PPP1R7: variants seen among roughly 807,000 people sequenced by gnomAD.
PPP1R7 encodes protein phosphatase 1 regulatory subunit 22.
Under a neutral mutation model 45.2 loss-of-function variants are expected in PPP1R7, and 18 were observed. That is an observed-to-expected ratio of 0.40 (90% CI 0.28 to 0.59). The LOEUF is 0.59. PPP1R7 is among the 20% of genes least tolerant of loss of function. The pLI is 0.46. For missense variants in PPP1R7, 314 were observed against 455.8 expected (o/e 0.69, Z 2.83); for synonymous variants, 181 against 183.4 (o/e 0.99, Z 0.11).
chr2:241,162,963 G>C (rs999182016), intron 6 of PPP1R7, among the ~76,000 whole-genome samples: 9 of 152,084 alleles, frequency 5.9e-5, no homozygotes, highest in Admixed American at 3.3e-4. Flanking sequence ...TTCCACGCCC[G>C]ACAGGGGGAC....
chr2:241,166,266 C>A, intron 7 of PPP1R7, 71 bp from the exon 8 acceptor site: 2 of 1,269,136 alleles, frequency 1.6e-6, no homozygotes, highest in South Asian at 1.3e-5. Flanking sequence ...CACAAAACCT[C>A]GTTTCCTAAA....
chr2:241,168,384 TGGGCTTGCATACCA>T (rs2067757121), intron 8 of PPP1R7, among the ~76,000 whole-genome samples: 1 of 152,166 alleles, frequency 6.6e-6, no homozygotes, highest in South Asian at 2.1e-4. Flanking sequence ...TGCCAGTTTC[TGGGCTTGCATACCA>T]GATGACCATG....
At chr2:241,180,369 C>CT (rs1420630423) in intron 9 of PPP1R7, among the ~76,000 whole-genome samples, 2 of 117,628 alleles carry the variant, frequency 1.7e-5, no homozygotes, top group Admixed American at 1.0e-4. Context: ...ATAAAATACT[C>CT]TAACGATCGC....
intron 1 of PPP1R7, among the ~76,000 whole-genome samples, chr2:241,152,967 T>A (rs1270639096): frequency 6.6e-6 from 1 of 152,242 alleles, no homozygotes; most frequent in African/African-American, 2.4e-5. Context: ...CTCCTTTTCC[T>A]TAGTGATCCT....
intron 7 of PPP1R7, among the ~76,000 whole-genome samples, chr2:241,165,523 A>G (rs960414979): frequency 6.6e-6 from 1 of 152,206 alleles, no homozygotes; most frequent in Admixed American, 6.5e-5. Flanking sequence ...ATTTTAGCTC[A>G]GTACAGCAGG....
chr2:241,155,173 T>C (rs2125481624), intron 2 of PPP1R7: 1 of 152,310 alleles, frequency 6.6e-6, no homozygotes, highest in South Asian at 2.1e-4. Flanking sequence ...CATTGGGTGT[T>C]TATGGAGGAC....
intron 1 of PPP1R7, among the ~76,000 whole-genome samples, chr2:241,152,129 T>C (rs931980550): frequency 1.3e-5 from 2 of 152,254 alleles, no homozygotes; most frequent in African/African-American, 4.8e-5. Flanking sequence ...TAATTTGTTA[T>C]ATATCTACTG....
chr2:241,150,686 G>A, intron 1 of PPP1R7, 139 bp downstream of exon 1: 1 of 1,274,522 alleles, frequency 7.8e-7, no homozygotes, highest in Non-Finnish European at 1.0e-6. Context: ...CTGACAGCCG[G>A]ACCCGGGGGA....
chr2:241,149,770 C>G (rs1466678660), upstream of PPP1R7: 4 of 1,537,774 alleles, frequency 2.6e-6, no homozygotes, highest in South Asian at 2.4e-5. Context: ...CGCGGGGCGG[C>G]TCGTTCATGG....
chr2:241,166,221 G>A (rs1462580540), intron 7 of PPP1R7, 116 bp from the exon 8 acceptor site: 3 of 892,252 alleles, frequency 3.4e-6, no homozygotes, highest in Admixed American at 2.4e-5. Flanking sequence ...CATGTTTTAA[G>A]TGAAATTCTC....
intron 9 of PPP1R7, among the ~76,000 whole-genome samples, chr2:241,172,819 T>C (rs2067841093): frequency 6.6e-6 from 1 of 152,176 alleles, no homozygotes; most frequent in African/African-American, 2.4e-5. Flanking sequence ...TTGATTTGTT[T>C]GAAAAATCTA....
At chr2:241,164,075 C>T (rs1403573135) in intron 7 of PPP1R7, among the ~76,000 whole-genome samples, 1 of 152,104 alleles carries the variant, frequency 6.6e-6, no homozygotes, top group Non-Finnish European at 1.5e-5. Flanking sequence ...CAGCACCATG[C>T]CTGGCTAATT....
chr2:241,173,020 G>A (rs183624742), intron 9 of PPP1R7, among the ~76,000 whole-genome samples: 413 of 151,398 alleles, frequency 2.7e-3, no homozygotes, highest in Non-Finnish European at 3.9e-3. Flanking sequence ...GGCCAGACAC[G>A]GTGGCTCACA....
intron 4 of PPP1R7, 87 bp downstream of exon 4, chr2:241,158,636 G>A (rs930872916): frequency 1.5e-6 from 2 of 1,366,920 alleles, no homozygotes; most frequent in Non-Finnish European, 2.1e-6. Flanking sequence ...CTGAGTTGTG[G>A]TCCTTGTCCC....
At chr2:241,162,636 G>A (rs1002364061) in intron 6 of PPP1R7, among the ~76,000 whole-genome samples, 11 of 152,026 alleles carry the variant, frequency 7.2e-5, no homozygotes, top group Non-Finnish European at 1.0e-4. Flanking sequence ...CTTGAGGTCA[G>A]AGTGCCCCGT....
intron 9 of PPP1R7, among the ~76,000 whole-genome samples, chr2:241,178,459 T>C (rs1217380052): frequency 1.6e-5 from 1 of 62,524 alleles, no homozygotes; most frequent in Admixed American, 1.6e-4. Flanking sequence ...GGTCTTCAGC[T>C]TTTTTTTTTT....
chr2:241,165,651 T>C (rs1038108984), intron 7 of PPP1R7, among the ~76,000 whole-genome samples: 4 of 151,396 alleles, frequency 2.6e-5, no homozygotes, highest in African/African-American at 4.9e-5. Flanking sequence ...TGGAGTGCAA[T>C]GGTGCAATCT....
chr2:241,177,904 C>G (rs1473607683), intron 9 of PPP1R7, among the ~76,000 whole-genome samples: 1 of 152,234 alleles, frequency 6.6e-6, no homozygotes, highest in Admixed American at 6.5e-5. Flanking sequence ...GGCACAGGGG[C>G]TTCCCCAGGA....
At chr2:241,160,262 GT>G in intron 5 of PPP1R7, 69 bp from the exon 6 acceptor site, 1 of 1,364,906 alleles carries the variant, frequency 7.3e-7, no homozygotes, top group Non-Finnish European at 9.9e-7. Flanking sequence ...ACCTTTAGTG[GT>G]TAAATTGTGA....
Sources: gnomAD v4.1 joint callset for allele counts (sites outside exome capture counted in the v4.1 genomes callset) on GRCh38, gnomAD v4.1.1 for gene constraint, MANE v1.5 for transcripts, NCBI Gene and HGNC (gene_info 2026-07-23, HGNC 2026-07-21) for gene names.